Variants in IGF2BP3 observed in about 807,000 individuals in gnomAD.
IGF2BP3 encodes insulin-like growth factor 2 mRNA-binding protein 3.
Under a neutral mutation model 73.8 loss-of-function variants are expected in IGF2BP3, and 9 were observed. The observed-to-expected ratio is 0.12, with a 90% confidence interval of 0.07 to 0.21. IGF2BP3 has a LOEUF of 0.21. Among genes scored for constraint, IGF2BP3 ranks in the 10% least tolerant of loss-of-function variants. IGF2BP3 has a pLI of 1.00. For missense variants in IGF2BP3, 542 were observed against 714.0 expected, an observed-to-expected ratio of 0.76 and a Z score of 2.75; for synonymous variants, 258 against 256.7, an observed-to-expected ratio of 1.01 and a Z score of -0.05.
At chr7:23,316,469 G>T (rs1783990819) in intron 12 of IGF2BP3, among the ~76,000 whole-genome samples, 1 of 151,970 alleles carries the variant, frequency 6.6e-6, no homozygotes, top group Admixed American at 6.6e-5. Flanking sequence ...ATCACTTGAG[G>T]TCAGGAGTTT....
chr7:23,445,772 T>C (rs1346174036), intron 2 of IGF2BP3, among the ~76,000 whole-genome samples: 4 of 152,110 alleles, frequency 2.6e-5, no homozygotes, highest in Admixed American at 2.6e-4. Flanking sequence ...TGATTAACAA[T>C]TACCATAAGT....
chr7:23,365,943 A>C (rs554744770), intron 3 of IGF2BP3: 2 of 152,238 alleles, frequency 1.3e-5, no homozygotes, highest in Non-Finnish European at 2.9e-5. Flanking sequence ...CCACTTTCAA[A>C]AATCTATAGT....
intron 2 of IGF2BP3, among the ~76,000 whole-genome samples, chr7:23,440,486 A>T (rs1787906131): frequency 6.6e-6 from 1 of 152,232 alleles, no homozygotes; most frequent in African/African-American, 2.4e-5. Flanking sequence ...ATCTGTTATT[A>T]ACAATCTGTA....
At chr7:23,467,570 T>C (rs997771102) in intron 2 of IGF2BP3, among the ~76,000 whole-genome samples, 1 of 151,988 alleles carries the variant, frequency 6.6e-6, no homozygotes, top group African/African-American at 2.4e-5. Flanking sequence ...GAATCTATGG[T>C]GTGAGTTGGC....
intron 3 of IGF2BP3, chr7:23,394,741 A>G (rs534020144): frequency 6.6e-6 from 1 of 152,252 alleles, no homozygotes; most frequent in Non-Finnish European, 1.5e-5. Flanking sequence ...ACATTAATTA[A>G]ACAGCACGTC....
At chr7:23,406,733 G>C (rs977790851) in intron 3 of IGF2BP3, among the ~76,000 whole-genome samples, 1 of 152,072 alleles carries the variant, frequency 6.6e-6, no homozygotes, top group East Asian at 1.9e-4. Context: ...CCCACATCCT[G>C]CTGATTGGTC....
chr7:23,458,385 T>C (rs1788368715), intron 2 of IGF2BP3, among the ~76,000 whole-genome samples: 1 of 152,072 alleles, frequency 6.6e-6, no homozygotes, highest in African/African-American at 2.4e-5. Flanking sequence ...AGTTTCTCCT[T>C]CCTACTCTCC....
At chr7:23,403,611 C>T (rs1243133148) in intron 3 of IGF2BP3, among the ~76,000 whole-genome samples, 5 of 152,176 alleles carry the variant, frequency 3.3e-5, no homozygotes, top group East Asian at 1.9e-4. Context: ...CTTATTTCCA[C>T]GTTTGAGATG....
chr7:23,362,902 C>T (rs113848339), intron 3 of IGF2BP3, among the ~76,000 whole-genome samples: 8,360 of 151,670 alleles, frequency 0.055, 715 homozygotes, highest in African/African-American at 0.18. Context: ...TACAGGTGCA[C>T]GCCGCCACCC....
At chr7:23,322,429 C>T (rs1307971997) in intron 10 of IGF2BP3, among the ~76,000 whole-genome samples, 6 of 152,088 alleles carry the variant, frequency 3.9e-5, no homozygotes, top group Non-Finnish European at 8.8e-5. Context: ...TGTGAAAAGA[C>T]CAAATCTACG....
At chr7:23,455,325 C>T (rs1007794094) in intron 2 of IGF2BP3, among the ~76,000 whole-genome samples, 1 of 152,188 alleles carries the variant, frequency 6.6e-6, no homozygotes, top group African/African-American at 2.4e-5. Context: ...TTCCCACACA[C>T]ACCCCAGGAT....
chr7:23,352,752 G>A (rs1294415492), intron 5 of IGF2BP3, among the ~76,000 whole-genome samples: 2 of 152,094 alleles, frequency 1.3e-5, no homozygotes, highest in African/African-American at 2.4e-5. Context: ...GGTAGTCACT[G>A]CCCCCCTACC....
chr7:23,394,100 A>T (rs563587906), intron 3 of IGF2BP3, among the ~76,000 whole-genome samples: 2 of 152,292 alleles, frequency 1.3e-5, no homozygotes, highest in African/African-American at 4.8e-5. Flanking sequence ...ATAGGTTTCT[A>T]AAGGTAATCT....
At chr7:23,332,221 A>T (rs1784463257) in intron 10 of IGF2BP3, among the ~76,000 whole-genome samples, 1 of 152,194 alleles carries the variant, frequency 6.6e-6, no homozygotes, top group Non-Finnish European at 1.5e-5. Flanking sequence ...CTTCCTTTAT[A>T]TCTTCAATCC....
rs1161735300 is a variant in IGF2BP3 at position 23,469,971 on chromosome 7, T to G, written c.140A>C (p.Glu47Ala). 1.2e-6 allele frequency: 2 copies of G among 1,612,012 alleles called. No individual in the cohort carries two copies. Among genetic ancestry groups the G allele is most frequent in the Non-Finnish European group, 1.7e-6 (2 of 1,179,514 alleles). Residue 47 changes from glutamate to alanine, a missense_variant, in exon 1 of 15, where the codon GAG becomes GCG. Around this residue, in one of 2 missense-constraint regions of IGF2BP3, gnomAD observed 239 missense variants for 241.9 expected, o/e 0.99. Transcript: ENST00000258729. This position sits in a 1 kb window ranked among gnomAD's most constrained non-coding sequence, Gnocchi z 6.1. ...CTCGATGGCCTTGAGGGCCCAGCTCTCGTCCGGGCAGTCCACGAACGCGTA... is the reference window on the plus strand; with the variant it reads ...CTCGATGGCCTTGAGGGCCCAGCTCGCGTCCGGGCAGTCCACGAACGCGTA... ...TGYAFVDCPD[E>A]SWALKAIEAL... is the part of the protein sequence containing the mutation.
At chr7:23,330,535 G>A (rs1784418772) in intron 10 of IGF2BP3, among the ~76,000 whole-genome samples, 1 of 151,866 alleles carries the variant, frequency 6.6e-6, no homozygotes, top group Non-Finnish European at 1.5e-5. Flanking sequence ...TTAAACCTAT[G>A]ATCATCAAAA....
intron 10 of IGF2BP3, among the ~76,000 whole-genome samples, chr7:23,330,463 A>G (rs1435019671): frequency 6.6e-6 from 1 of 151,584 alleles, no homozygotes; most frequent in African/African-American, 2.4e-5. Flanking sequence ...AAGTCCCTTG[A>G]TTGGCCTTGG....
chr7:23,368,300 C>A (rs111694227), intron 3 of IGF2BP3, among the ~76,000 whole-genome samples: 7,960 of 105,834 alleles, frequency 0.075, 693 homozygotes, highest in African/African-American at 0.24. Flanking sequence ...ATAGCGAAGA[C>A]AGAAAGAGAG....
chr7:23,326,068 G>C (rs949131592), intron 10 of IGF2BP3, among the ~76,000 whole-genome samples: 61 of 152,152 alleles, frequency 4.0e-4, no homozygotes, highest in African/African-American at 1.5e-3. Flanking sequence ...TGACAAATGG[G>C]ATCTAATTAA....
Sources: gnomAD v4.1 joint callset for allele counts (sites outside exome capture counted in the v4.1 genomes callset) on GRCh38, gnomAD v4.1.1 for gene constraint, gnomAD v4.1.1 regional missense constraint, Gnocchi (gnomAD v3.1) non-coding constraint, MANE v1.5 for transcripts, NCBI Gene and HGNC (gene_info 2026-07-23, HGNC 2026-07-21) for gene names.